PLEKHG1: variants seen among roughly 807,000 people sequenced by gnomAD.
PLEKHG1 encodes pleckstrin homology and RhoGEF domain containing G1.
Under a neutral mutation model 100.8 loss-of-function variants are expected in PLEKHG1, and 44 were observed. That is an observed-to-expected ratio of 0.44 (90% CI 0.34 to 0.56). PLEKHG1 has a LOEUF of 0.56. Ranked by LOEUF, PLEKHG1 falls within the 20% of genes least tolerant of loss-of-function variation. PLEKHG1 has a pLI of 0.01. For synonymous variants in PLEKHG1, 640 were observed against 662.5 expected, an observed-to-expected ratio of 0.97 and a Z score of 0.52; for missense variants, 1,545 against 1,720.9, an observed-to-expected ratio of 0.90 and a Z score of 1.81.
At chr6:150,686,784 G>A (rs1488103208) in intron 3 of PLEKHG1, 1 of 152,534 alleles carries the variant, frequency 6.6e-6, no homozygotes, top group Non-Finnish European at 1.5e-5. Flanking sequence ...CTTGGGTGTA[G>A]CACCTGCAAG....
chr6:150,800,758 A>C, exon 6 of PLEKHG1: 2 of 1,613,662 alleles, frequency 1.2e-6, no homozygotes, highest in Non-Finnish European at 1.7e-6. Flanking sequence ...GGAACAAGAT[A>C]CTGGCCAAAT....
intron 2 of PLEKHG1, among the ~76,000 whole-genome samples, chr6:150,741,743 C>T (rs995991842): frequency 6.6e-5 from 10 of 152,236 alleles, no homozygotes; most frequent in Non-Finnish European, 1.2e-4. Flanking sequence ...ACTGCTTTCA[C>T]TGCATACCTC....
rs1776901281 is a variant in PLEKHG1, at chr6:150,831,154, C to T, written c.2043C>T (p.Ser681=). ...TTGCTAAGCGGGAAGAAGCTGAATC[C>T]ACTCCCTCTAAATCAGCCAGGGACT... Residue 681 remains serine (S), a synonymous_variant, in exon 15 of 16, where the codon TCC becomes TCT. Coordinates refer to ENST00000358517, the Ensembl canonical transcript of PLEKHG1. This position sits in a 1 kb window ranked among gnomAD's most constrained non-coding sequence, Gnocchi z 4.1. The T allele has an allele frequency of 6.2e-7, 1 of 1,613,772 alleles. No homozygotes were observed. The highest frequency in any genetic ancestry group is 2.2e-5 in the East Asian group (1 of 44,884).
chr6:150,839,298 T>C (rs1777389505), intron 15 of PLEKHG1, among the ~76,000 whole-genome samples: 1 of 152,122 alleles, frequency 6.6e-6, no homozygotes, highest in South Asian at 2.1e-4. Flanking sequence ...GTAATTTTAG[T>C]AGAGATGGGG....
chr6:150,773,981 A>T (rs2128643150), intron 3 of PLEKHG1, among the ~76,000 whole-genome samples: 1 of 152,326 alleles, frequency 6.6e-6, no homozygotes, highest in East Asian at 1.9e-4. Flanking sequence ...TTGGACTAGA[A>T]CATTTTCTCT....
At chr6:150,665,247 C>T (rs1779351011) in intron 3 of PLEKHG1, among the ~76,000 whole-genome samples, 1 of 152,214 alleles carries the variant, frequency 6.6e-6, no homozygotes, top group African/African-American at 2.4e-5. Context: ...TTGTCACCCA[C>T]TCTTCCCCAA....
rs139526309 is a variant in PLEKHG1 at position 150,764,242 on chromosome 6, C to T, written c.412-4396C>T. Among the ~76,000 whole-genome samples, 7 of 151,960 alleles carry T rather than the reference C, an allele frequency of 4.6e-5. No homozygotes were observed. The East Asian group carries it at 5.8e-4, about 13-fold the overall frequency. On this transcript the variant is annotated intron_variant, in intron 2 of 15. Transcript: ENST00000358517. ...AAGCGATTCTCCTGCCTCAGCCTCC[C>T]GAGTAGCTGAGATTAACAGGTGCCT...
intron 3 of PLEKHG1, among the ~76,000 whole-genome samples, chr6:150,692,402 G>A (rs1389619613): frequency 6.6e-6 from 1 of 152,042 alleles, no homozygotes; most frequent in Non-Finnish European, 1.5e-5. Context: ...ATTATCATTT[G>A]ATAAAAGCCT....
At chr6:150,703,617 A>G (rs201123077) in intron 3 of PLEKHG1, among the ~76,000 whole-genome samples, 9 of 151,186 alleles carry the variant, frequency 6.0e-5, no homozygotes, top group African/African-American at 1.9e-4. Flanking sequence ...AAAAAAAACA[A>G]AACAACTTTT....
chr6:150,601,605 C>A (rs1325098327), intron 1 of PLEKHG1, among the ~76,000 whole-genome samples: 1 of 152,192 alleles, frequency 6.6e-6, no homozygotes, highest in African/African-American at 2.4e-5. Context: ...CAATTCTAAG[C>A]CACCAAACCA....
chr6:150,829,628 CA>C lies in PLEKHG1; in HGVS notation c.1471-947del, dbSNP rs566670725. 6.0e-3 allele frequency among the ~76,000 whole-genome samples: 907 copies of C among 151,908 alleles called. 6 individuals carry two copies. Among genetic ancestry groups the C allele is most frequent in the African/African-American group, 0.02 (829 of 41,424 alleles). On this transcript the variant is annotated intron_variant, in intron 14 of 15. Coordinates refer to ENST00000358517, the Ensembl canonical transcript of PLEKHG1. ...TGGGCGACAGAGCGAGATTCTGTGT[CA>C]AAAAAATAAAAATTAAAAAATTATT...
chr6:150,609,940 C>T (rs1162706585), intron 1 of PLEKHG1, among the ~76,000 whole-genome samples: 2 of 152,190 alleles, frequency 1.3e-5, no homozygotes, highest in Non-Finnish European at 1.5e-5. Flanking sequence ...AGCATCCTCT[C>T]TCCTTTAGTT....
At chr6:150,830,682 G>A (rs189143945) in exon 15 of PLEKHG1, 35 of 1,614,152 alleles carry the variant, frequency 2.2e-5, no homozygotes, top group African/African-American at 2.7e-5. Flanking sequence ...AGCGTGCTTC[G>A]AGCGGGTGGA....
chr6:150,810,876 G>A (rs1787484565), intron 10 of PLEKHG1, among the ~76,000 whole-genome samples: 1 of 151,840 alleles, frequency 6.6e-6, no homozygotes, highest in Admixed American at 6.6e-5. Flanking sequence ...AGCCGAGATC[G>A]TGCCATTGCA....
At chr6:150,721,087 C>G, upstream of PLEKHG1, 1 of 920,632 alleles carries the variant, frequency 1.1e-6, no homozygotes, top group Non-Finnish European at 1.3e-6. Flanking sequence ...CTGACTCATG[C>G]AATATTTCTA....
intron 11 of PLEKHG1, among the ~76,000 whole-genome samples, chr6:150,819,302 C>A (rs1329080113): frequency 1.3e-5 from 2 of 152,104 alleles, no homozygotes; most frequent in African/African-American, 4.8e-5. Context: ...TGGTGGCTCA[C>A]ACCTGTAATC....
At position 150,831,666 on chromosome 6, in the gene PLEKHG1, A is replaced by C; in HGVS notation, c.2555A>C (p.Lys852Thr). The change falls in exon 15 of 16, where the codon AAG (lysine) becomes ACG (threonine). Residue 852 changes from lysine to threonine, a missense_variant. Physicochemically the swap from Lys to Thr is moderately conservative, Grantham distance 78. Coordinates refer to ENST00000358517, the Ensembl canonical transcript of PLEKHG1. The surrounding 1 kb of genome is among the most constrained non-coding windows in gnomAD (Gnocchi z 4.1). ...AATTACATCAAGAAAAATGAAGACA[A>C]GGCCAGAGACCGTCTCCTGGCAGCG... 1 of 1,613,172 alleles carries C rather than the reference A, an allele frequency of 6.2e-7. No homozygotes were observed. Among genetic ancestry groups the C allele is most frequent in the Non-Finnish European group, 8.5e-7 (1 of 1,180,020 alleles).
At chr6:150,630,609 C>T (rs985812598) in intron 1 of PLEKHG1, among the ~76,000 whole-genome samples, 17 of 152,274 alleles carry the variant, frequency 1.1e-4, no homozygotes, top group East Asian at 1.9e-4. Flanking sequence ...GCTTTGGCTA[C>T]GCTAGGTCTG....
chr6:150,750,229 ATTAC>A (rs945445139), intron 2 of PLEKHG1, among the ~76,000 whole-genome samples: 85 of 152,336 alleles, frequency 5.6e-4, no homozygotes, highest in African/African-American at 2.0e-3. Context: ...TAGAGGGGCT[ATTAC>A]TTAAGCGACT....
Sources: allele counts gnomAD v4.1 joint callset (sites outside exome capture counted in the v4.1 genomes callset), GRCh38; gene constraint gnomAD v4.1.1; non-coding constraint Gnocchi (gnomAD v3.1); transcripts MANE v1.5; gene names NCBI Gene and HGNC (gene_info 2026-07-23, HGNC 2026-07-21).